The following ABCF1 variants were observed in gnomAD, a reference collection of about 807,000 sequenced individuals.
ABCF1 encodes ATP-binding cassette sub-family F member 1.
ABCF1 carries 73 observed loss-of-function variants against 126.3 expected under a neutral mutation model. The observed-to-expected ratio is 0.58, with a 90% CI of 0.48 to 0.70. The LOEUF is 0.70. Among genes scored for constraint, ABCF1 ranks in the 30% least tolerant of loss-of-function variants. The probability of loss-of-function intolerance (pLI) is 0.00; values close to 1 mark genes in which losing one functional copy is unlikely to be tolerated. For synonymous variants in ABCF1, 345 were observed against 396.4 expected (o/e 0.87, Z 1.54); for missense variants, 786 against 1,057.5 (o/e 0.74, Z 3.56).
chr6:30,579,646 C>T (rs934192636), intron 6 of ABCF1, among the ~76,000 whole-genome samples: 52 of 151,788 alleles, frequency 3.4e-4, no homozygotes, highest in Admixed American at 3.4e-3. Context: ...TTAGTAGAGA[C>T]AGGGTTTCAC....
At chr6:30,577,166 T>A (rs1484034601) in intron 1 of ABCF1, among the ~76,000 whole-genome samples, 3 of 152,196 alleles carry the variant, frequency 2.0e-5, no homozygotes, top group Non-Finnish European at 4.4e-5. Flanking sequence ...ATTGCTATGA[T>A]CCCCTACGCT....
At chr6:30,580,614 C>A in intron 8 of ABCF1, 95 bp downstream of exon 8, 1 of 735,968 alleles carries the variant, frequency 1.4e-6, no homozygotes, top group Non-Finnish European at 2.0e-6. Context: ...GTTATTATCC[C>A]AGCAAACCTT....
chr6:30,579,110 T>A (rs960719155), intron 6 of ABCF1, among the ~76,000 whole-genome samples: 3 of 152,200 alleles, frequency 2.0e-5, no homozygotes, highest in African/African-American at 7.2e-5. Context: ...CTTGCTCTTC[T>A]ACTTGTGACT....
chr6:30,584,064 AGT>A lies in ABCF1; in HGVS notation c.1103-125_1103-124del. ...GGGGAGGGTCAATGAGGAACTTGAG[AGT>A]GTTTTATTTGGAACAAGTACAAAGA... On this transcript the variant is annotated intron_variant, in intron 12 of 24. Transcript: ENST00000326195. This position sits in a 1 kb window ranked among gnomAD's most constrained non-coding sequence, Gnocchi z 4.6. 7.0e-7 allele frequency: 1 copy of A among 1,431,852 alleles called. No individual in the cohort carries two copies. Among genetic ancestry groups the A allele is most frequent in the Non-Finnish European group, 9.4e-7 (1 of 1,058,862 alleles). 88.7% of individuals were successfully genotyped at this position (1,431,852 alleles called of 1,614,324 possible).
At chr6:30,579,230 T>TG (rs1462621585) in intron 6 of ABCF1, among the ~76,000 whole-genome samples, 2 of 152,052 alleles carry the variant, frequency 1.3e-5, no homozygotes, top group African/African-American at 2.4e-5. Flanking sequence ...TCCTTAGCCT[T>TG]GCTGACGTTC....
Position 30,585,283 on chromosome 6 carries a change from T to G in ABCF1, c.1415T>G (p.Leu472Arg), listed in dbSNP as rs940896964. Residue 472 changes from leucine (L) to arginine (R), a missense_variant, in exon 15 of 25, where the codon CTG (leucine) becomes CGG (arginine). By Grantham distance (102) the Leu-to-Arg change is moderately radical. Transcript: ENST00000326195. ...AGGGCACTGTTCATGGAGCCCACAC[T>G]GCTGATGCTGGATGAGCCCACCAAC... Reference protein sequence around the residue: ...LARALFMEPTLLMLDEPTNHL... With the variant: ...LARALFMEPTRLMLDEPTNHL... 1 of 1,613,644 alleles carries G rather than the reference T, an allele frequency of 6.2e-7. No homozygotes were observed. The highest frequency in any genetic ancestry group is 8.5e-7 in the Non-Finnish European group (1 of 1,180,022).
chr6:30,579,201 G>A (rs1801674090), intron 6 of ABCF1, among the ~76,000 whole-genome samples: 1 of 152,024 alleles, frequency 6.6e-6, no homozygotes, highest in Non-Finnish European at 1.5e-5. Context: ...CTCTGGTGGC[G>A]CACTTGCCTG....
chr6:30,590,617 C>G lies in ABCF1; in HGVS notation c.2454C>G (p.Ser818Arg), dbSNP rs568319942. ...GGGTGGTGGAGGAGCAGAGTGTTAG[C>G]CAAATCGATGGTGACTTTGAAGACT... Reference protein sequence around the residue: ...QLWVVEEQSVSQIDGDFEDYK... With the variant: ...QLWVVEEQSVRQIDGDFEDYK... Residue 818 changes from serine (S) to arginine (R), a missense_variant, in exon 25 of 25, where the codon AGC (serine) becomes AGG (arginine). Physicochemically the swap from Ser to Arg is moderately radical, Grantham distance 110 (BLOSUM62 -1). Coordinates refer to ENST00000326195, the MANE Select transcript of ABCF1 (RefSeq NM_001025091.2). 1.5e-4 allele frequency: 240 copies of G among 1,613,016 alleles called. 4 individuals are homozygous for G. The South Asian group carries it at 2.5e-3, about 17-fold the overall frequency.
rs1802158423 is a variant in ABCF1, at chr6:30,586,759, A to C, written c.2031+48A>C. 3.1e-6 allele frequency: 5 copies of C among 1,600,364 alleles called. No individual in the cohort carries two copies. Among genetic ancestry groups the C allele is most frequent in the Non-Finnish European group, 4.3e-6 (5 of 1,169,110 alleles). On this transcript the variant is annotated intron_variant, in intron 20 of 24. Coordinates refer to ENST00000326195, the MANE Select transcript of ABCF1 (RefSeq NM_001025091.2). The surrounding 1 kb of genome is among the most constrained non-coding windows in gnomAD (Gnocchi z 4.9). Reference sequence around the variant, plus strand: ...GAGAGCATGAGAAATGTGAAGACACAGCTGCTTTTGCCAGAAGCTGGAATC... The same window carrying C: ...GAGAGCATGAGAAATGTGAAGACACCGCTGCTTTTGCCAGAAGCTGGAATC...
chr6:30,589,519 C>T (rs1441043108), intron 20 of ABCF1, 169 bp from the exon 21 acceptor site: 4 of 710,476 alleles, frequency 5.6e-6, no homozygotes, highest in South Asian at 1.9e-5. Flanking sequence ...AGGAGAATGG[C>T]GTGAACCCGG....
chr6:30,583,093 T>C lies in ABCF1; in HGVS notation c.820T>C (p.Leu274=), dbSNP rs1346073846. 2.5e-6 allele frequency: 4 copies of C among 1,610,628 alleles called. No individual in the cohort carries two copies. The highest frequency in any genetic ancestry group is 2.7e-5 in the African/African-American group (2 of 74,884). The change falls in exon 10 of 25, where the codon TTA becomes CTA. Residue 274 remains leucine (L), a synonymous_variant. Coordinates refer to ENST00000326195, the MANE Select transcript of ABCF1 (RefSeq NM_001025091.2). This position sits in a 1 kb window ranked among gnomAD's most constrained non-coding sequence, Gnocchi z 4.1. ...GGAGTATGAGCGCCAAGTGGCTTCA[T>C]TAAAAGCAGCCAATGCAGCTGAAAA... The part of the protein sequence containing the change: ...QMEYERQVAS[L]KAANAAENDF...
At chr6:30,582,949 T>C (rs1801901606) in intron 9 of ABCF1, 117 bp from the exon 10 acceptor site, 3 of 1,377,182 alleles carry the variant, frequency 2.2e-6, no homozygotes, top group Non-Finnish European at 2.0e-6. Flanking sequence ...TACCTCAGCC[T>C]CCCAGAGTGC....
rs1249210870 is a variant in ABCF1, at chr6:30,584,878, A to G, written c.1391+312A>G. Among the ~76,000 whole-genome samples the G allele has an allele frequency of 1.3e-5, 2 of 152,098 alleles. No individual in the cohort carries two copies. Among genetic ancestry groups the G allele is most frequent in the South Asian group, 2.1e-4 (1 of 4,826 alleles). On this transcript the variant is annotated intron_variant, in intron 14 of 24. Coordinates refer to ENST00000326195, the MANE Select transcript of ABCF1 (RefSeq NM_001025091.2). The surrounding 1 kb of genome is among the most constrained non-coding windows in gnomAD (Gnocchi z 4.6). Reference sequence around the variant, plus strand: ...AGCCTGGGCAATATAGTGAGACTCTATCTTCACAAAAGGGGGAAGAAAACA... The same window carrying G: ...AGCCTGGGCAATATAGTGAGACTCTGTCTTCACAAAAGGGGGAAGAAAACA...
In ABCF1 at chr6:30,575,071, C is replaced by CTTT. The variant is rs958476559; in HGVS notation, c.74-2322_74-2320dup. On this transcript the variant is annotated intron_variant, in intron 1 of 24. Coordinates refer to ENST00000326195, the MANE Select transcript of ABCF1 (RefSeq NM_001025091.2). ...ATGGCGGATACCATTGACTTTTTTTCTTTTTTTTTTTTTTTTTTGAGACAG... is the reference window on the plus strand; with the variant it reads ...ATGGCGGATACCATTGACTTTTTTTCTTTTTTTTTTTTTTTTTTTTTGAGACAG... Among the ~76,000 whole-genome samples, 1,047 of 129,786 alleles carry CTTT rather than the reference C, an allele frequency of 8.1e-3. 3 individuals carry two copies. The highest frequency in any genetic ancestry group is 0.012 in the Middle Eastern group (3 of 258). The allele number at this position is 129,786 out of a possible 152,430, so 85.1% of individuals were successfully genotyped here. A position where few individuals can be genotyped will look rare whatever the true frequency, so the allele number is the denominator to read the frequency against.
chr6:30,579,844 G>A (rs761089200), intron 6 of ABCF1, 87 bp from the exon 7 acceptor site: 1 of 1,344,462 alleles, frequency 7.4e-7, no homozygotes, highest in Non-Finnish European at 1.0e-6. Context: ...GGTTAACACA[G>A]TAGACTCTCT....
At chr6:30,578,046 A>G in intron 3 of ABCF1, 30 bp from the exon 4 acceptor site, 5 of 1,613,702 alleles carry the variant, frequency 3.1e-6, no homozygotes, top group South Asian at 2.2e-5. Flanking sequence ...CCTGGGCTTC[A>G]TTTTCTCACT....
Position 30,589,792 on chromosome 6 carries a change from C to T in ABCF1, c.2065-14C>T. The T allele has an allele frequency of 1.9e-6, 3 of 1,614,136 alleles. No homozygotes were observed. The highest frequency in any genetic ancestry group is 8.5e-7 in the Non-Finnish European group (1 of 1,180,020). On this transcript the variant is annotated splice_polypyrimidine_tract_variant and intron_variant, in intron 21 of 24. Coordinates refer to ENST00000326195, the MANE Select transcript of ABCF1 (RefSeq NM_001025091.2). ...TGTGACTTTAACCGACCACCTCCCT[C>T]TCTTCTCGGGCAGAAAATTGGCTTC...
chr6:30,586,400 T>A lies in ABCF1; in HGVS notation c.1886-74T>A. On this transcript the variant is annotated intron_variant, in intron 18 of 24. Transcript: ENST00000326195. This position sits in a 1 kb window ranked among gnomAD's most constrained non-coding sequence, Gnocchi z 4.9. ...ACCAAGGCTGAGATTGCTCCTGTTC[T>A]CCAAGGCCAGCACATGAGAGGGACT... is the stretch of plus-strand genomic sequence containing the variant. 6.2e-7 allele frequency: 1 copy of A among 1,608,554 alleles called. No individual in the cohort carries two copies. The highest frequency in any genetic ancestry group is 1.7e-5 in the Admixed American group (1 of 59,636).
At chr6:30,577,686 A>G in intron 2 of ABCF1, 132 bp from the exon 3 acceptor site, 1 of 1,023,212 alleles carries the variant, frequency 9.8e-7, no homozygotes. Context: ...CTCCACAAAA[A>G]GAAAAAAAAG....
Sources: gnomAD v4.1 joint callset for allele counts (sites outside exome capture counted in the v4.1 genomes callset) on GRCh38, gnomAD v4.1.1 for gene constraint, Gnocchi (gnomAD v3.1) non-coding constraint, MANE v1.5 for transcripts, NCBI Gene and HGNC (gene_info 2026-07-23, HGNC 2026-07-21) for gene names.